Variants in GPC6 observed in about 807,000 individuals in gnomAD.
GPC6 encodes the protein glypican 6, also known as glypican-6.
Under a neutral mutation model 55.2 loss-of-function variants are expected in GPC6, and 14 were observed. The ratio of observed to expected loss-of-function variants is 0.25; its 90% CI spans 0.17 to 0.40. The LOEUF (loss-of-function observed/expected upper bound fraction) is 0.40. Ranked by LOEUF, GPC6 falls within the 10% of genes least tolerant of loss-of-function variation. GPC6 has a pLI of 1.00. For synonymous variants in GPC6, 278 were observed against 259.6 expected (o/e 1.07, Z -0.68); for missense variants, 641 against 708.5 (o/e 0.90, Z 1.08).
chr13:94,337,474 G>C lies in GPC6; in HGVS notation c.1152+31351G>C, dbSNP rs202142131. On this transcript the variant is annotated intron_variant, in intron 6 of 8. Coordinates refer to ENST00000377047, the MANE Select transcript of GPC6 (RefSeq NM_005708.5). ...TTTTTTTTTCCTTTTTTGAGGTGGA[G>C]TCTCCCTCTTTCACCCAGGCTGGAG... 3.3e-4 allele frequency among the ~76,000 whole-genome samples: 49 copies of C among 150,632 alleles called. No individual in the cohort carries two copies. The East Asian group carries it at 9.6e-3, about 29-fold the overall frequency.
chr13:94,166,311 T>C (rs1449496405), intron 4 of GPC6, among the ~76,000 whole-genome samples: 1 of 152,210 alleles, frequency 6.6e-6, no homozygotes, highest in Non-Finnish European at 1.5e-5. Context: ...TTAAAAAATG[T>C]TCGTATTGTA....
chr13:93,522,715 A>G (rs1594234332), intron 1 of GPC6, among the ~76,000 whole-genome samples: 1 of 151,882 alleles, frequency 6.6e-6, no homozygotes. Flanking sequence ...TTTGGCTCTC[A>G]CTGATTCCTT....
At chr13:93,955,731 A>G (rs1332302427) in intron 3 of GPC6, among the ~76,000 whole-genome samples, 2 of 151,996 alleles carry the variant, frequency 1.3e-5, no homozygotes, top group Non-Finnish European at 2.9e-5. Flanking sequence ...CAGAGTCCTC[A>G]CAATATTATT....
At chr13:93,989,886 GTA>G (rs1212464073) in intron 3 of GPC6, among the ~76,000 whole-genome samples, 4 of 145,146 alleles carry the variant, frequency 2.8e-5, no homozygotes, top group African/African-American at 7.6e-5. Context: ...CTTTATATAT[GTA>G]TATATGTGTG....
intron 3 of GPC6, among the ~76,000 whole-genome samples, chr13:93,890,780 C>T (rs1875635706): frequency 7.9e-6 from 1 of 127,104 alleles, no homozygotes; most frequent in African/African-American, 3.0e-5. Flanking sequence ...TCATTCCTTT[C>T]CTCTGCTACA....
chr13:93,412,081 T>C (rs1207341719), intron 1 of GPC6, among the ~76,000 whole-genome samples: 1 of 152,058 alleles, frequency 6.6e-6, no homozygotes, highest in East Asian at 1.9e-4. Context: ...TACTGAAACG[T>C]ATCTGCATCA....
At chr13:93,453,804 G>T (rs1253918821) in intron 1 of GPC6, among the ~76,000 whole-genome samples, 1 of 151,984 alleles carries the variant, frequency 6.6e-6, no homozygotes, top group East Asian at 1.9e-4. Flanking sequence ...GCTCATAAAA[G>T]CAGCGTGGAC....
intron 1 of GPC6, among the ~76,000 whole-genome samples, chr13:93,539,531 G>A (rs749582580): frequency 9.9e-5 from 15 of 151,986 alleles, no homozygotes; most frequent in Admixed American, 4.6e-4. Flanking sequence ...GGGCTCACGC[G>A]GAATTGGATG....
chr13:93,539,082 A>G (rs554124497), intron 1 of GPC6, among the ~76,000 whole-genome samples: 2 of 152,216 alleles, frequency 1.3e-5, no homozygotes, highest in South Asian at 4.1e-4. Context: ...TGTTATTAAG[A>G]AAAATAACAA....
intron 1 of GPC6, among the ~76,000 whole-genome samples, chr13:93,449,435 T>C (rs145873469): frequency 6.6e-6 from 1 of 152,310 alleles, no homozygotes; most frequent in African/African-American, 2.4e-5. Context: ...TAGATGATGA[T>C]TGTTGGCTGG....
At chr13:94,046,118 G>A (rs1160810061) in intron 4 of GPC6, among the ~76,000 whole-genome samples, 2 of 151,922 alleles carry the variant, frequency 1.3e-5, no homozygotes, top group Non-Finnish European at 2.9e-5. Flanking sequence ...CAAAAAAATA[G>A]GTTTACTGTG....
intron 6 of GPC6, among the ~76,000 whole-genome samples, chr13:94,349,142 G>A (rs1878418809): frequency 6.6e-6 from 1 of 152,120 alleles, no homozygotes; most frequent in African/African-American, 2.4e-5. Flanking sequence ...ACTTCTGGAG[G>A]CTCAACCACC....
chr13:94,394,264 C>G (rs1275026475), intron 7 of GPC6, among the ~76,000 whole-genome samples: 2 of 152,206 alleles, frequency 1.3e-5, no homozygotes, highest in African/African-American at 4.8e-5. Flanking sequence ...GAATGCCACC[C>G]ACTTGCCCAG....
At chr13:93,656,430 A>G (rs1031350363) in intron 2 of GPC6, among the ~76,000 whole-genome samples, 3 of 152,148 alleles carry the variant, frequency 2.0e-5, no homozygotes, top group Admixed American at 6.5e-5. Context: ...TATCTCTCCT[A>G]TACCTGGACC....
intron 3 of GPC6, among the ~76,000 whole-genome samples, chr13:94,021,655 C>T (rs1039557886): frequency 1.4e-4 from 21 of 151,794 alleles, no homozygotes; most frequent in Non-Finnish European, 2.5e-4. Flanking sequence ...TCCAAATGAA[C>T]TCAATGATTT....
intron 6 of GPC6, among the ~76,000 whole-genome samples, chr13:94,321,312 A>G (rs1273437350): frequency 6.6e-6 from 1 of 152,164 alleles, no homozygotes; most frequent in Non-Finnish European, 1.5e-5. Flanking sequence ...TATCCGTTCT[A>G]CCACTGATGG....
intron 2 of GPC6, among the ~76,000 whole-genome samples, chr13:93,583,783 T>G (rs1877061046): frequency 6.6e-6 from 1 of 152,192 alleles, no homozygotes; most frequent in South Asian, 2.1e-4. Flanking sequence ...ATATACGGAC[T>G]AATAGAGAGA....
At chr13:94,172,707 T>G (rs984337266) in intron 4 of GPC6, among the ~76,000 whole-genome samples, 2 of 152,236 alleles carry the variant, frequency 1.3e-5, no homozygotes, top group African/African-American at 4.8e-5. Context: ...AAAAACCATC[T>G]TAGTTTTAGA....
intron 2 of GPC6, among the ~76,000 whole-genome samples, chr13:93,587,108 CAT>C (rs146219169): frequency 2.0e-5 from 3 of 152,220 alleles, no homozygotes; most frequent in Non-Finnish European, 4.4e-5. Context: ...TTATCTTTGA[CAT>C]ATGAGATGTG....
Sources: allele counts gnomAD v4.1 joint callset (sites outside exome capture counted in the v4.1 genomes callset), GRCh38; gene constraint gnomAD v4.1.1; transcripts MANE v1.5; gene names NCBI Gene and HGNC (gene_info 2026-07-23, HGNC 2026-07-21).